The following SP1 variants were observed in gnomAD, a reference collection of about 807,000 sequenced individuals.
SP1 encodes transcription factor Sp1.
A neutral mutation model predicts 66.3 loss-of-function variants in SP1; 6 were observed. That is an observed-to-expected ratio of 0.09 (90% CI 0.05 to 0.18). The LOEUF (loss-of-function observed/expected upper bound fraction) is 0.18. Among genes scored for constraint, SP1 ranks in the 10% least tolerant of loss-of-function variants. SP1 has a pLI of 1.00. For missense variants in SP1, 848 were observed against 964.5 expected (o/e 0.88, Z 1.60); for synonymous variants, 417 against 360.8 (o/e 1.16, Z -1.77).
intron 3 of SP1, among the ~76,000 whole-genome samples, chr12:53,401,938 G>A (rs1275993334): frequency 6.6e-6 from 1 of 152,090 alleles, no homozygotes. Flanking sequence ...TAAAGTGTTG[G>A]GATTATAGGT....
chr12:53,393,202 A>G (rs1938396232), intron 3 of SP1, among the ~76,000 whole-genome samples: 1 of 152,216 alleles, frequency 6.6e-6, no homozygotes, highest in Non-Finnish European at 1.5e-5. Context: ...TAATCCCAGC[A>G]CTTTCGGAGG....
intron 4 of SP1, among the ~76,000 whole-genome samples, chr12:53,407,273 T>A (rs1938763351): frequency 6.6e-6 from 1 of 150,682 alleles, no homozygotes. Context: ...TACAAAAATT[T>A]AAAAATTATG....
intron 3 of SP1, among the ~76,000 whole-genome samples, chr12:53,385,543 C>T (rs569753413): frequency 1.0e-4 from 15 of 150,278 alleles, no homozygotes; most frequent in Non-Finnish European, 1.5e-4. Context: ...TGCAATGAGC[C>T]GAGATCGCGC....
At chr12:53,384,980 G>GA (rs112581379) in intron 3 of SP1, among the ~76,000 whole-genome samples, 109 of 140,236 alleles carry the variant, frequency 7.8e-4, no homozygotes, top group Non-Finnish European at 8.8e-4. Flanking sequence ...GTGAGACTCT[G>GA]AAAAAAAAAA....
chr12:53,392,577 T>C (rs1938378429), intron 3 of SP1, among the ~76,000 whole-genome samples: 1 of 151,480 alleles, frequency 6.6e-6, no homozygotes, highest in African/African-American at 2.4e-5. Flanking sequence ...CGGGATGGTC[T>C]CGATCTCCTG....
At chr12:53,387,231 G>T (rs939415868) in intron 3 of SP1, among the ~76,000 whole-genome samples, 1 of 152,190 alleles carries the variant, frequency 6.6e-6, no homozygotes, top group Admixed American at 6.6e-5. Flanking sequence ...GATTACAGGC[G>T]TGAGCCACTG....
At chr12:53,401,205 C>A (rs566089836) in intron 3 of SP1, among the ~76,000 whole-genome samples, 1 of 152,108 alleles carries the variant, frequency 6.6e-6, no homozygotes, top group South Asian at 2.1e-4. Context: ...AATCCCAGCA[C>A]CTTGGCAGGC....
chr12:53,382,325 C>T lies in SP1; in HGVS notation c.378C>T (p.Ser126=), dbSNP rs769899910. 6.2e-7 allele frequency: 1 copy of T among 1,614,046 alleles called. No homozygotes were observed. The highest frequency in any genetic ancestry group is 8.5e-7 in the Non-Finnish European group (1 of 1,180,006). The change falls in exon 3 of 6, where the codon AGC becomes AGT. Residue 126 remains serine, a synonymous_variant. Coordinates refer to ENST00000327443, the MANE Select transcript of SP1 (RefSeq NM_138473.3). ...ATPTSKEQSG[S]STNGSNGSES... ...CTACCTCAAAGGAACAGAGTGGCAG[C>T]AGTACCAATGGCAGCAATGGCAGTG...
At chr12:53,409,234 AAAG>A (rs1415099415) in intron 4 of SP1, 125 bp from the exon 5 acceptor site, 32 of 768,146 alleles carry the variant, frequency 4.2e-5, no homozygotes, top group Non-Finnish European at 6.3e-5. Context: ...AAAAAACAAA[AAAG>A]AAGACTTTTT....
rs1272021509 is a variant in SP1 at position 53,412,092 on chromosome 12, T to A, written c.*852T>A. 1 of 152,204 alleles carries A rather than the reference T, an allele frequency of 6.6e-6. No homozygotes were observed. The highest frequency in any genetic ancestry group is 1.5e-5 in the Non-Finnish European group (1 of 68,046). The allele number at this position is 152,204 out of a possible 1,614,324, so 9.4% of individuals were successfully genotyped here. A position where few individuals can be genotyped will look rare whatever the true frequency, so the allele number is the denominator to read the frequency against. On this transcript the variant is annotated 3_prime_UTR_variant, in exon 6 of 6. Transcript: ENST00000327443. ...GAAAAATCCTTGAAGCCCAGGCTGATGCTTGAAGTAACTGTGGAGGGAGTG... is the reference window on the plus strand; with the variant it reads ...GAAAAATCCTTGAAGCCCAGGCTGAAGCTTGAAGTAACTGTGGAGGGAGTG...
chr12:53,392,501 C>T (rs1477630332), intron 3 of SP1, among the ~76,000 whole-genome samples: 3 of 150,344 alleles, frequency 2.0e-5, no homozygotes, highest in Admixed American at 6.6e-5. Context: ...GGACTACAGG[C>T]GCCCGCCACT....
At chr12:53,394,557 T>C (rs1198487672) in intron 3 of SP1, among the ~76,000 whole-genome samples, 2 of 149,078 alleles carry the variant, frequency 1.3e-5, no homozygotes, top group African/African-American at 2.5e-5. Flanking sequence ...TATCGGCCAC[T>C]GTGCTGCGTG....
At chr12:53,403,998 C>T (rs1475780960) in intron 3 of SP1, among the ~76,000 whole-genome samples, 10 of 150,922 alleles carry the variant, frequency 6.6e-5, no homozygotes, top group African/African-American at 2.2e-4. Context: ...AGTGAAACCC[C>T]GTCTCTACTA....
At chr12:53,404,174 A>G (rs1938675537) in intron 3 of SP1, among the ~76,000 whole-genome samples, 1 of 151,832 alleles carries the variant, frequency 6.6e-6, no homozygotes, top group Non-Finnish European at 1.5e-5. Flanking sequence ...CCGTCTCAAA[A>G]AAAAAAAAAG....
At chr12:53,394,430 T>G (rs1266051809) in intron 3 of SP1, among the ~76,000 whole-genome samples, 2 of 121,474 alleles carry the variant, frequency 1.6e-5, no homozygotes, top group African/African-American at 3.9e-5. Flanking sequence ...TTTTTTTTTT[T>G]GTGAGGGTAT....
chr12:53,383,531 C>A lies in SP1; in HGVS notation c.1584C>A (p.Gly528=). The A allele has an allele frequency of 6.2e-7, 1 of 1,614,204 alleles. No homozygotes were observed. Among genetic ancestry groups the A allele is most frequent in the East Asian group, 2.2e-5 (1 of 44,892 alleles). The change falls in exon 3 of 6, where the codon GGC becomes GGA. Residue 528 remains glycine (G), a synonymous_variant. Coordinates refer to ENST00000327443, the MANE Select transcript of SP1 (RefSeq NM_138473.3). ...CTGCTCAACTCTCCTCCATGCCAGG[C>A]CTCCAGACCATTAACCTCAGTGCAT... ...VNAAQLSSMP[G]LQTINLSALG...
intron 5 of SP1, among the ~76,000 whole-genome samples, chr12:53,410,000 A>G (rs1259089288): frequency 6.7e-6 from 1 of 148,878 alleles, no homozygotes. Flanking sequence ...ACAGAGCGAG[A>G]CACTGTCTCA....
Position 53,416,174 on chromosome 12 carries a change from C to T in SP1, c.*4934C>T. ...TGTTTTGATTCCAATCCAATTATCACCAGGGCTGTGTGGGTAAATGCTTTT... is the reference window on the plus strand; with the variant it reads ...TGTTTTGATTCCAATCCAATTATCATCAGGGCTGTGTGGGTAAATGCTTTT... On this transcript the variant is annotated 3_prime_UTR_variant, in exon 6 of 6. Transcript: ENST00000327443. The T allele has an allele frequency of 6.5e-6, 1 of 153,348 alleles. No homozygotes were observed. The highest frequency in any genetic ancestry group is 1.5e-5 in the Non-Finnish European group (1 of 68,598). 9.5% of individuals were successfully genotyped at this position (153,348 alleles called of 1,614,324 possible).
chr12:53,404,694 A>G (rs1188820067), intron 3 of SP1, among the ~76,000 whole-genome samples: 1 of 152,118 alleles, frequency 6.6e-6, no homozygotes, highest in East Asian at 1.9e-4. Flanking sequence ...TTGAGTTGGA[A>G]TCTTGTTCTG....
Sources: allele counts gnomAD v4.1 joint callset (sites outside exome capture counted in the v4.1 genomes callset), GRCh38; gene constraint gnomAD v4.1.1; transcripts MANE v1.5; gene names NCBI Gene and HGNC (gene_info 2026-07-23, HGNC 2026-07-21).